The following IMMP2L variants were observed in gnomAD, a reference collection of about 807,000 sequenced individuals.
IMMP2L encodes mitochondrial inner membrane protease subunit 2.
A neutral mutation model predicts 19.3 loss-of-function variants in IMMP2L; 18 were observed. That is an observed-to-expected ratio of 0.93 (90% CI 0.64 to 1.38). The LOEUF (loss-of-function observed/expected upper bound fraction) is 1.38, where lower values mean the gene tolerates loss of function less well. Among genes scored for constraint, IMMP2L ranks in the 40% most tolerant of loss-of-function variants. The pLI, the probability that IMMP2L is intolerant of heterozygous loss-of-function variation, is 0.00. For missense variants in IMMP2L, 233 were observed against 218.2 expected (o/e 1.07, Z -0.43); for synonymous variants, 76 against 73.0 (o/e 1.04, Z -0.21).
chr7:111,046,828 TC>T (rs1792444784), intron 3 of IMMP2L, among the ~76,000 whole-genome samples: 2 of 152,278 alleles, frequency 1.3e-5, no homozygotes, highest in Non-Finnish European at 2.9e-5. Context: ...GACTCTACAT[TC>T]ACTACTTTCA....
intron 3 of IMMP2L, among the ~76,000 whole-genome samples, chr7:111,166,756 G>A (rs949675088): frequency 6.6e-6 from 1 of 151,896 alleles, no homozygotes; most frequent in Non-Finnish European, 1.5e-5. Flanking sequence ...CTAATTTCTG[G>A]TGGTTCCAGT....
rs1218360906 is a variant in IMMP2L at position 110,877,562 on chromosome 7, C to T, written c.408+9031G>A. Reference sequence around the variant, plus strand: ...ATTTATGGAATGATCAAGGCATAGGCAGGTAAGACGGATCTGGAAAATTTG... The same window carrying T: ...ATTTATGGAATGATCAAGGCATAGGTAGGTAAGACGGATCTGGAAAATTTG... On this transcript the variant is annotated intron_variant, in intron 5 of 5. Coordinates refer to ENST00000405709, the MANE Select transcript of IMMP2L (RefSeq NM_032549.4). This position sits in a 1 kb window ranked among gnomAD's most constrained non-coding sequence, Gnocchi z 4.0. Among the ~76,000 whole-genome samples, 1 of 152,098 alleles carries T rather than the reference C, an allele frequency of 6.6e-6. No individual in the cohort carries two copies. The highest frequency in any genetic ancestry group is 1.9e-4 in the East Asian group (1 of 5,180).
At chr7:111,089,279 C>G (rs1769533250) in intron 3 of IMMP2L, among the ~76,000 whole-genome samples, 1 of 152,060 alleles carries the variant, frequency 6.6e-6, no homozygotes, top group Non-Finnish European at 1.5e-5. Flanking sequence ...AATCATGTAT[C>G]TGACTATCAC....
chr7:111,407,775 C>T (rs1288985143), intron 3 of IMMP2L, among the ~76,000 whole-genome samples: 1 of 151,892 alleles, frequency 6.6e-6, no homozygotes, highest in Non-Finnish European at 1.5e-5. Context: ...AATTTCTATA[C>T]TTAGCATGAG....
At chr7:111,135,524 G>A (rs989722023) in intron 3 of IMMP2L, among the ~76,000 whole-genome samples, 1 of 152,070 alleles carries the variant, frequency 6.6e-6, no homozygotes, top group African/African-American at 2.4e-5. Context: ...CTAACCCTGT[G>A]ATCTTTAAAT....
Position 111,031,934 on chromosome 7 carries a change from A to ATTTCTTTTTT in IMMP2L, c.240-68370_240-68369insAAAAAAGAAA, listed in dbSNP as rs770268016. Among the ~76,000 whole-genome samples the ATTTCTTTTTT allele has an allele frequency of 4.6e-5, 5 of 108,070 alleles. No homozygotes were observed. The South Asian group carries it at 1.4e-3, about 29-fold the overall frequency. The allele number at this position is 108,070 out of a possible 152,430, so 70.9% of individuals were successfully genotyped here. A position where few individuals can be genotyped will look rare whatever the true frequency, so the allele number is the denominator to read the frequency against. On this transcript the variant is annotated intron_variant, in intron 3 of 5. Coordinates refer to ENST00000405709, the MANE Select transcript of IMMP2L (RefSeq NM_032549.4). ...GCTATGACCATGAAAAACACCAGAG[A>ATTTCTTTTTT]TTTTTTTTTTTTTTTTTTTTTTGAG...
chr7:110,834,084 C>A (rs1446122956), intron 5 of IMMP2L, among the ~76,000 whole-genome samples: 1 of 152,162 alleles, frequency 6.6e-6, no homozygotes, highest in Non-Finnish European at 1.5e-5. Context: ...TAGCGTCTTT[C>A]TCCTTATAAT....
At chr7:111,226,735 A>G (rs1813149168) in intron 3 of IMMP2L, among the ~76,000 whole-genome samples, 3 of 152,130 alleles carry the variant, frequency 2.0e-5, no homozygotes, top group Admixed American at 2.0e-4. Context: ...CAACAAAAAC[A>G]AAGTGTTGAT....
chr7:111,196,183 T>C lies in IMMP2L; in HGVS notation c.240-232618A>G, dbSNP rs151169949. On this transcript the variant is annotated intron_variant, in intron 3 of 5. Transcript: ENST00000405709. The stretch of plus-strand genomic sequence containing the variant: ...GGGGCCACACCCATAAATTTAATTT[T>C]TAAACTAAGATTATTTGGGACCTTA... Among the ~76,000 whole-genome samples the C allele has an allele frequency of 7.7e-3, 1,173 of 152,270 alleles. 3 individuals are homozygous for C. The highest frequency in any genetic ancestry group is 0.012 in the Non-Finnish European group (843 of 68,024).
chr7:111,194,063 T>C (rs1809196306), intron 3 of IMMP2L, among the ~76,000 whole-genome samples: 1 of 152,186 alleles, frequency 6.6e-6, no homozygotes, highest in African/African-American at 2.4e-5. Flanking sequence ...TTGGCAGTGA[T>C]ACCATGGCCT....
intron 1 of IMMP2L, among the ~76,000 whole-genome samples, chr7:111,553,164 G>A (rs751625589): frequency 3.9e-5 from 6 of 152,214 alleles, no homozygotes; most frequent in East Asian, 1.9e-4. Flanking sequence ...AAACAACAGA[G>A]AACCCAATTT....
chr7:110,744,433 C>A (rs149784009), intron 5 of IMMP2L, among the ~76,000 whole-genome samples: 7,817 of 152,238 alleles, frequency 0.051, 633 homozygotes, highest in African/African-American at 0.17. Flanking sequence ...AGGTCCCTGA[C>A]CCCTGTGTAT....
At position 110,833,456 on chromosome 7, in the gene IMMP2L, AG is replaced by A. The variant is rs1193654920; in HGVS notation, c.408+53136del. Among the ~76,000 whole-genome samples the A allele has an allele frequency of 7.4e-3, 941 of 127,942 alleles. 23 individuals are homozygous for A. The highest frequency in any genetic ancestry group is 0.023 in the African/African-American group (842 of 35,832). The allele number at this position is 127,942 out of a possible 152,430, so 83.9% of individuals were successfully genotyped here. On this transcript the variant is annotated intron_variant, in intron 5 of 5. Transcript: ENST00000405709. ...CTTCGTCTCAAAAAAAAAAAAAAAA[AG>A]AGAGAGAGAGCTTTAATCACAAAAT...
chr7:111,541,496 T>C (rs1441999609), intron 1 of IMMP2L, among the ~76,000 whole-genome samples: 4 of 152,188 alleles, frequency 2.6e-5, no homozygotes, highest in Non-Finnish European at 1.5e-5. Flanking sequence ...TAAATAAAAC[T>C]AAATTATTTT....
intron 4 of IMMP2L, among the ~76,000 whole-genome samples, chr7:110,912,318 C>T (rs2129548489): frequency 6.6e-6 from 1 of 152,044 alleles, no homozygotes; most frequent in East Asian, 1.9e-4. Context: ...ATCCTTAGAG[C>T]ATACAGCCAA....
At chr7:110,882,343 T>C (rs1809761532) in intron 5 of IMMP2L, among the ~76,000 whole-genome samples, 1 of 144,516 alleles carries the variant, frequency 6.9e-6, no homozygotes, top group Non-Finnish European at 1.5e-5. Flanking sequence ...CTTCCTTCCC[T>C]CCTTCCTCTC....
At chr7:111,042,280 A>G (rs1791973434) in intron 3 of IMMP2L, among the ~76,000 whole-genome samples, 1 of 152,090 alleles carries the variant, frequency 6.6e-6, no homozygotes, top group South Asian at 2.1e-4. Flanking sequence ...CCTGGGTTCC[A>G]GTGATTCTCT....
chr7:111,044,465 G>T (rs537306778), intron 3 of IMMP2L, among the ~76,000 whole-genome samples: 1 of 152,250 alleles, frequency 6.6e-6, no homozygotes, highest in Admixed American at 6.5e-5. Flanking sequence ...GGAGGCTGAG[G>T]CAGGAGAATC....
chr7:111,177,978 A>G (rs1807258913), intron 3 of IMMP2L, among the ~76,000 whole-genome samples: 1 of 152,084 alleles, frequency 6.6e-6, no homozygotes, highest in Admixed American at 6.6e-5. Flanking sequence ...TTGAAAAAAG[A>G]AAATATCAAA....
Sources: allele counts gnomAD v4.1 joint callset (sites outside exome capture counted in the v4.1 genomes callset), GRCh38; gene constraint gnomAD v4.1.1; non-coding constraint Gnocchi (gnomAD v3.1); transcripts MANE v1.5; gene names NCBI Gene and HGNC (gene_info 2026-07-23, HGNC 2026-07-21).